Variants in ACTR3B observed in about 807,000 individuals in gnomAD.
ACTR3B encodes the protein actin related protein 3B, also known as actin-related protein 3B.
ACTR3B carries 8 observed loss-of-function variants against 59.0 expected under a neutral mutation model. The observed-to-expected ratio is 0.14, with a 90% CI of 0.08 to 0.24. ACTR3B has a LOEUF of 0.24. Among genes scored for constraint, ACTR3B ranks in the 10% least tolerant of loss-of-function variants. The pLI is 1.00. For missense variants in ACTR3B, 245 were observed against 552.3 expected, an observed-to-expected ratio of 0.44 and a Z score of 5.58; for synonymous variants, 148 against 197.9, an observed-to-expected ratio of 0.75 and a Z score of 2.12.
chr7:152,767,137 T>C (rs2098112940), intron 1 of ACTR3B, among the ~76,000 whole-genome samples: 1 of 151,702 alleles, frequency 6.6e-6, no homozygotes, highest in Admixed American at 6.6e-5. Flanking sequence ...CATTTAAATC[T>C]CTAATTCATT....
intron 2 of ACTR3B, among the ~76,000 whole-genome samples, chr7:152,790,861 A>T (rs2098193249): frequency 6.6e-6 from 1 of 152,176 alleles, no homozygotes; most frequent in Non-Finnish European, 1.5e-5. Context: ...CCTTAGATAC[A>T]GTCTTCTCGA....
chr7:152,808,464 A>G (rs1403572183), intron 4 of ACTR3B, among the ~76,000 whole-genome samples: 1 of 151,754 alleles, frequency 6.6e-6, no homozygotes, highest in Non-Finnish European at 1.5e-5. Flanking sequence ...ATTTATTTGT[A>G]TCATCATTTC....
At chr7:152,851,986 T>G in intron 9 of ACTR3B, 140 bp from the exon 10 acceptor site, 1 of 1,134,606 alleles carries the variant, frequency 8.8e-7, no homozygotes, top group Non-Finnish European at 1.3e-6. Flanking sequence ...AGCATTAAGT[T>G]TGCTTTTGTT....
intron 6 of ACTR3B, among the ~76,000 whole-genome samples, chr7:152,817,572 A>G (rs1795803185): frequency 6.6e-6 from 1 of 152,038 alleles, no homozygotes; most frequent in Non-Finnish European, 1.5e-5. Flanking sequence ...TGGAAAATGT[A>G]TCGGAAGTGT....
chr7:152,761,132 T>C (rs752597879), intron 1 of ACTR3B, among the ~76,000 whole-genome samples: 1 of 152,220 alleles, frequency 6.6e-6, no homozygotes, highest in Non-Finnish European at 1.5e-5. Context: ...TCTTTGCTTG[T>C]GTGAATTCTT....
chr7:152,779,484 G>A (rs1010457030), intron 1 of ACTR3B, among the ~76,000 whole-genome samples: 31 of 152,334 alleles, frequency 2.0e-4, no homozygotes, highest in African/African-American at 7.5e-4. Flanking sequence ...CCTATCCTCA[G>A]TCTGAGTATG....
At chr7:152,830,125 T>G (rs1385345679) in intron 9 of ACTR3B, among the ~76,000 whole-genome samples, 1 of 152,212 alleles carries the variant, frequency 6.6e-6, no homozygotes, top group Non-Finnish European at 1.5e-5. Flanking sequence ...AAGAAAGTCT[T>G]TGAGAAGCTG....
chr7:152,805,502 G>A (rs567637158), intron 4 of ACTR3B, among the ~76,000 whole-genome samples: 3 of 152,292 alleles, frequency 2.0e-5, no homozygotes, highest in Non-Finnish European at 4.4e-5. Context: ...TTTTAGAGAT[G>A]AACCTACGAA....
intron 7 of ACTR3B, among the ~76,000 whole-genome samples, chr7:152,820,982 G>A (rs1796101918): frequency 6.6e-6 from 1 of 152,190 alleles, no homozygotes; most frequent in Admixed American, 6.5e-5. Flanking sequence ...TCAGCACCTC[G>A]TAACTGAGGC....
chr7:152,820,259 A>G, intron 6 of ACTR3B, 40 bp from the exon 7 acceptor site: 1 of 1,574,122 alleles, frequency 6.4e-7, no homozygotes, highest in Non-Finnish European at 8.7e-7. Flanking sequence ...TCCACCACGA[A>G]ATCACTAACA....
intron 5 of ACTR3B, 73 bp downstream of exon 5, chr7:152,814,718 G>A (rs1795547016): frequency 6.4e-6 from 8 of 1,259,280 alleles, no homozygotes; most frequent in Non-Finnish European, 8.9e-6. Context: ...TATTTCCCAA[G>A]GTTCTCCGCT....
intron 9 of ACTR3B, among the ~76,000 whole-genome samples, chr7:152,841,753 T>C (rs1329849601): frequency 6.6e-6 from 1 of 152,208 alleles, no homozygotes; most frequent in African/African-American, 2.4e-5. Flanking sequence ...TGGCCAAATG[T>C]ACACCCTCTT....
intron 9 of ACTR3B, among the ~76,000 whole-genome samples, chr7:152,832,892 A>G (rs1797140115): frequency 6.6e-6 from 1 of 152,218 alleles, no homozygotes; most frequent in Admixed American, 6.5e-5. Flanking sequence ...TGTTGACCAC[A>G]TCCACAAAAC....
intron 9 of ACTR3B, 118 bp from the exon 10 acceptor site, chr7:152,852,008 T>TAGGGCCG: frequency 5.1e-6 from 7 of 1,379,946 alleles, no homozygotes; most frequent in Non-Finnish European, 7.0e-6. Flanking sequence ...GCATCTTTCA[T>TAGGGCCG]AGGGCCGATG....
chr7:152,796,860 G>GGTTTTTTTTTTTTTTTTT (rs2098218252), intron 2 of ACTR3B, among the ~76,000 whole-genome samples: 1 of 54,738 alleles, frequency 1.8e-5, no homozygotes, highest in African/African-American at 6.9e-5. Context: ...TAGTTTTTGT[G>GGTTTTTTTTTTTTTTTTT]TTTTTTTTTT....
At chr7:152,803,833 T>G (rs2098244118) in intron 4 of ACTR3B, among the ~76,000 whole-genome samples, 1 of 152,212 alleles carries the variant, frequency 6.6e-6, no homozygotes, top group African/African-American at 2.4e-5. Context: ...GTATTACATG[T>G]GTTGTGCTTT....
chr7:152,760,440 G>T (rs1184475625), intron 1 of ACTR3B, among the ~76,000 whole-genome samples: 1 of 152,124 alleles, frequency 6.6e-6, no homozygotes. Context: ...CATTCCTCCT[G>T]GCTGAGGATT....
intron 9 of ACTR3B, among the ~76,000 whole-genome samples, chr7:152,827,499 G>A (rs1796668576): frequency 6.6e-6 from 1 of 151,466 alleles, no homozygotes; most frequent in African/African-American, 2.4e-5. Context: ...ACCAGAATAT[G>A]TTATGATAAA....
intron 1 of ACTR3B, among the ~76,000 whole-genome samples, chr7:152,763,670 C>T (rs1341586482): frequency 1.3e-5 from 2 of 152,178 alleles, no homozygotes; most frequent in African/African-American, 2.4e-5. Context: ...GCAATCCACC[C>T]GCCTTGGCCT....
Sources: allele counts gnomAD v4.1 joint callset (sites outside exome capture counted in the v4.1 genomes callset), GRCh38; gene constraint gnomAD v4.1.1; transcripts MANE v1.5; gene names NCBI Gene and HGNC (gene_info 2026-07-23, HGNC 2026-07-21).